The following WFDC3 variants were observed in gnomAD, a reference collection of about 807,000 sequenced individuals.
WFDC3 encodes WAP four-disulfide core domain protein 3.
Under a neutral mutation model 25.8 loss-of-function variants are expected in WFDC3, and 15 were observed. The observed-to-expected ratio is 0.58, with a 90% CI of 0.39 to 0.89. The LOEUF (loss-of-function observed/expected upper bound fraction) is 0.89, where lower values mean the gene tolerates loss of function less well. Among genes scored for constraint, WFDC3 ranks in the 40% least tolerant of loss-of-function variants. The pLI is 0.00. For synonymous variants in WFDC3, 103 were observed against 107.1 expected, an observed-to-expected ratio of 0.96 and a Z score of 0.24; for missense variants, 264 against 289.8, an observed-to-expected ratio of 0.91 and a Z score of 0.65.
Position 45,789,989 on chromosome 20 carries a change from G to C in WFDC3, c.-7-7C>G. 6.2e-7 allele frequency: 1 copy of C among 1,612,682 alleles called. No individual in the cohort carries two copies. The highest frequency in any genetic ancestry group is 1.1e-5 in the South Asian group (1 of 91,044). On this transcript the variant is annotated splice_region_variant and splice_polypyrimidine_tract_variant and intron_variant, in intron 1 of 6. Transcript: ENST00000243938. ...GCTTAACATCATGATGATGCTGAGA[G>C]TTGGGACAAGAGCTCAGTTCAGGCT...
At chr20:45,777,015 A>C (rs1980216655) in intron 5 of WFDC3, 60 bp downstream of exon 5, 2 of 1,608,444 alleles carry the variant, frequency 1.2e-6, no homozygotes, top group Non-Finnish European at 1.7e-6. Flanking sequence ...CCAGGAAGGG[A>C]AAGAGAAGCA....
Position 45,789,075 on chromosome 20 carries a change from T to C in WFDC3, c.83-16A>G, listed in dbSNP as rs756101286. 15 of 1,611,810 alleles carry C rather than the reference T, an allele frequency of 9.3e-6. No homozygotes were observed. Among genetic ancestry groups the C allele is most frequent in the Non-Finnish European group, 1.2e-5 (14 of 1,179,404 alleles). On this transcript the variant is annotated splice_polypyrimidine_tract_variant and intron_variant, in intron 2 of 6. Coordinates refer to ENST00000243938, the MANE Select transcript of WFDC3 (RefSeq NM_080614.2). ...CCCTCTTTTGCTGCAAAAGATACTA[T>C]TTGAGTTTGGGGTAACTAGCCAGGC...
chr20:45,782,381 T>C (rs1980485657), intron 4 of WFDC3, among the ~76,000 whole-genome samples: 1 of 151,936 alleles, frequency 6.6e-6, no homozygotes, highest in South Asian at 2.1e-4. Flanking sequence ...TTGGATTTTT[T>C]TTTTCTTTTT....
At chr20:45,788,795 A>T (rs1980803456) in intron 3 of WFDC3, 136 bp downstream of exon 3, 2 of 1,251,420 alleles carry the variant, frequency 1.6e-6, no homozygotes, top group Non-Finnish European at 1.1e-6. Context: ...AGGGACCCTA[A>T]AAGAGTAAAG....
chr20:45,779,182 C>A (rs1190071582), intron 4 of WFDC3, among the ~76,000 whole-genome samples: 1 of 152,204 alleles, frequency 6.6e-6, no homozygotes. Context: ...CCAAAGAAGG[C>A]CACATCCAAA....
intron 6 of WFDC3, 110 bp from the exon 7 acceptor site, chr20:45,774,554 T>C: frequency 7.0e-7 from 1 of 1,425,126 alleles, no homozygotes; most frequent in Non-Finnish European, 9.8e-7. Context: ...CTCAAAAGTC[T>C]TAAATAGCTC....
intron 4 of WFDC3, among the ~76,000 whole-genome samples, chr20:45,785,558 T>C (rs1051198494): frequency 6.6e-6 from 1 of 151,840 alleles, no homozygotes; most frequent in Non-Finnish European, 1.5e-5. Context: ...CTTAAGCTAA[T>C]TTAATTTATA....
intron 4 of WFDC3, chr20:45,778,770 T>C (rs890999766): frequency 1.3e-5 from 2 of 151,856 alleles, no homozygotes; most frequent in Non-Finnish European, 2.9e-5. Context: ...CCTGACAACA[T>C]GCATATGGTT....
At chr20:45,778,242 C>T (rs933397148) in intron 4 of WFDC3, among the ~76,000 whole-genome samples, 16 of 152,166 alleles carry the variant, frequency 1.1e-4, no homozygotes, top group African/African-American at 3.6e-4. Flanking sequence ...TCATCCTGGA[C>T]GTTGTGGCTC....
chr20:45,775,332 T>C (rs1980082620), intron 6 of WFDC3, 85 bp downstream of exon 6: 1 of 1,530,580 alleles, frequency 6.5e-7, no homozygotes, highest in African/African-American at 1.4e-5. Flanking sequence ...TTCCTGACCT[T>C]CTGAAGTCCC....
chr20:45,781,179 G>A (rs962850265), intron 4 of WFDC3, among the ~76,000 whole-genome samples: 1 of 151,428 alleles, frequency 6.6e-6, no homozygotes, highest in African/African-American at 2.4e-5. Context: ...AACCTGGGAG[G>A]CAGAGGTTGC....
chr20:45,788,980 C>T lies in WFDC3; in HGVS notation c.162G>A (p.Gln54=). The change falls in exon 3 of 7, where the codon CAG becomes CAA. Residue 54 remains glutamine, a synonymous_variant. Transcript: ENST00000243938. ...CQGDELCPAE[Q]KCCTTGCGRI... is the part of the protein sequence containing the mutation. ...GACCACAGCCTGTGGTGCAGCACTTCTGTTCAGCCGGACACAATTCATCAC... is the reference window on the plus strand; with the variant it reads ...GACCACAGCCTGTGGTGCAGCACTTTTGTTCAGCCGGACACAATTCATCAC... 1 of 1,613,904 alleles carries T rather than the reference C, an allele frequency of 6.2e-7. No homozygotes were observed. The highest frequency in any genetic ancestry group is 8.5e-7 in the Non-Finnish European group (1 of 1,179,932).
intron 5 of WFDC3, among the ~76,000 whole-genome samples, chr20:45,776,475 G>A (rs988946343): frequency 1.7e-4 from 26 of 150,448 alleles, no homozygotes; most frequent in African/African-American, 5.1e-4. Context: ...GCATGGTGGC[G>A]TGTGCCTGTA....
chr20:45,776,510 G>A (rs1473273641), intron 5 of WFDC3, among the ~76,000 whole-genome samples: 2 of 148,538 alleles, frequency 1.3e-5, no homozygotes, highest in African/African-American at 2.5e-5. Flanking sequence ...GGAGGCTGAG[G>A]CAGAAGAAAC....
intron 4 of WFDC3, among the ~76,000 whole-genome samples, chr20:45,785,648 T>C (rs1404897124): frequency 6.6e-6 from 1 of 152,040 alleles, no homozygotes; most frequent in Non-Finnish European, 1.5e-5. Context: ...TAATAAAATA[T>C]ATTTGGAAGC....
At chr20:45,776,276 C>CTGTGTGTGTG (rs1182115340) in intron 5 of WFDC3, among the ~76,000 whole-genome samples, 1 of 68,382 alleles carries the variant, frequency 1.5e-5, no homozygotes, top group Non-Finnish European at 3.5e-5. Flanking sequence ...ATGCTTTTAT[C>CTGTGTGTGTG]TCTGTGTGTG....
chr20:45,783,907 A>G (rs981787276), intron 4 of WFDC3, among the ~76,000 whole-genome samples: 5 of 152,164 alleles, frequency 3.3e-5, no homozygotes, highest in Admixed American at 2.0e-4. Flanking sequence ...TTAACTACCA[A>G]TGCAGTAGCC....
At chr20:45,786,635 A>ATGTTG (rs1276313409) in intron 4 of WFDC3, among the ~76,000 whole-genome samples, 1 of 152,196 alleles carries the variant, frequency 6.6e-6, no homozygotes, top group East Asian at 1.9e-4. Context: ...CATTCAATAA[A>ATGTTG]TACTTGTTGA....
intron 1 of WFDC3, 87 bp from the exon 2 acceptor site, chr20:45,790,069 G>T: frequency 9.9e-7 from 1 of 1,013,634 alleles, no homozygotes; most frequent in Non-Finnish European, 1.5e-6. Flanking sequence ...GACTAGGGAT[G>T]GCCCCAAACC....
Sources: allele counts gnomAD v4.1 joint callset (sites outside exome capture counted in the v4.1 genomes callset), GRCh38; gene constraint gnomAD v4.1.1; transcripts MANE v1.5; gene names NCBI Gene and HGNC (gene_info 2026-07-23, HGNC 2026-07-21).